The following KLHL13 variants were observed in gnomAD, a reference collection of about 807,000 sequenced individuals.
KLHL13 encodes the protein kelch like family member 13.
In KLHL13, 10 loss-of-function variants were observed where a neutral mutation model predicts 37.1. The ratio of observed to expected loss-of-function variants is 0.27; its 90% CI spans 0.17 to 0.46. The LOEUF (loss-of-function observed/expected upper bound fraction) is 0.46. Ranked by LOEUF, KLHL13 falls within the 20% of genes least tolerant of loss-of-function variation. The pLI, the probability that KLHL13 is intolerant of heterozygous loss-of-function variation, is 1.00. For missense variants in KLHL13, 360 were observed against 509.3 expected (o/e 0.71, Z 2.82); for synonymous variants, 163 against 181.2 (o/e 0.90, Z 0.81).
At chrX:118,022,446 A>G (rs1367940168) in intron 1 of KLHL13, among the ~76,000 whole-genome samples, 1 of 111,324 alleles carries the variant, frequency 9.0e-6, no homozygotes, top group Non-Finnish European at 1.9e-5. Flanking sequence ...ATCATTTTAT[A>G]TTCCCACCAA....
At chrX:118,020,357 T>C (rs2054189480) in intron 1 of KLHL13, among the ~76,000 whole-genome samples, 1 of 111,925 alleles carries the variant, frequency 8.9e-6, no homozygotes, top group Admixed American at 9.5e-5. Context: ...TCCTGAGACT[T>C]TGCTGAAGTT....
intron 1 of KLHL13, among the ~76,000 whole-genome samples, chrX:118,014,659 C>T (rs759361838): frequency 2.7e-5 from 3 of 112,463 alleles, no homozygotes; most frequent in Non-Finnish European, 5.6e-5. Flanking sequence ...CAGAACCTGA[C>T]GATATGTGAC....
At chrX:117,980,231 A>G (rs2053645303) in intron 1 of KLHL13, among the ~76,000 whole-genome samples, 1 of 111,981 alleles carries the variant, frequency 8.9e-6, no homozygotes, top group Non-Finnish European at 1.9e-5. Flanking sequence ...ATGATGGTTG[A>G]AAATTTTTTC....
At chrX:118,050,552 C>T (rs1050802093) in intron 1 of KLHL13, among the ~76,000 whole-genome samples, 1 of 111,719 alleles carries the variant, frequency 9.0e-6, no homozygotes, top group Admixed American at 9.5e-5. Context: ...AAAATCCTCA[C>T]CCTAAATTGT....
At chrX:118,037,932 G>C (rs1021314031) in intron 1 of KLHL13, among the ~76,000 whole-genome samples, 1 of 111,187 alleles carries the variant, frequency 9.0e-6, no homozygotes, top group African/African-American at 3.3e-5. Flanking sequence ...TCATGAATAG[G>C]TATTACAGGG....
intron 5 of KLHL13, 120 bp from the exon 7 acceptor site, chrX:117,902,066 T>A (rs1256215357): frequency 4.1e-5 from 17 of 415,975 alleles, no homozygotes; most frequent in Middle Eastern, 6.2e-4. Context: ...ATTATAGCTA[T>A]GATAGATATG....
chrX:117,919,684 T>C lies in KLHL13; in HGVS notation c.407A>G (p.Lys136Arg), dbSNP rs1440730739. The change falls in exon 4 of 7, where the codon AAA becomes AGA. Residue 136 changes from lysine to arginine, a missense_variant. Lys to Arg is a conservative substitution (Grantham distance 26). Transcript: ENST00000262820. ...ACCGACTTTGCTCACACCATGAAGT[T>C]TAATGCACATTAAATCTTGTTCTTT... is the stretch of plus-strand genomic sequence containing the variant. The C allele has an allele frequency of 4.2e-6, 5 of 1,199,214 alleles. No individual in the cohort carries two copies. The South Asian group carries it at 5.4e-5, about 13-fold the overall frequency.
In KLHL13 at chrX:117,941,819, G is replaced by C. The variant is rs1933050237; in HGVS notation, c.240+3615C>G. 2.7e-5 allele frequency among the ~76,000 whole-genome samples: 3 copies of C among 111,229 alleles called. No individual in the cohort carries two copies. The Admixed American group carries it at 2.9e-4, about 11-fold the overall frequency. ...TCACTGAGATATTGAAGTGTTCCTCGTGTCTCTATCTCCTTCAGTTCTACT... is the reference window on the plus strand; with the variant it reads ...TCACTGAGATATTGAAGTGTTCCTCCTGTCTCTATCTCCTTCAGTTCTACT... On this transcript the variant is annotated intron_variant, in intron 2 of 6. Transcript: ENST00000262820.
At chrX:118,023,540 C>A (rs1478543260) in intron 1 of KLHL13, among the ~76,000 whole-genome samples, 2 of 111,641 alleles carry the variant, frequency 1.8e-5, no homozygotes, top group Non-Finnish European at 3.8e-5. Flanking sequence ...ATAAAACTTT[C>A]TTAGTCAAAA....
chrX:118,035,195 C>G (rs1007657571), intron 1 of KLHL13, among the ~76,000 whole-genome samples: 7 of 105,292 alleles, frequency 6.6e-5, no homozygotes, highest in Admixed American at 9.7e-5. Flanking sequence ...CCTTCTGAAA[C>G]TATTCCAATC....
intron 1 of KLHL13, among the ~76,000 whole-genome samples, chrX:117,998,178 C>T (rs1257079521): frequency 9.0e-6 from 1 of 111,703 alleles, no homozygotes. Context: ...TACACAGAAA[C>T]CCCATGGGAA....
At chrX:117,900,376 C>A (rs1930011515) in intron 6 of KLHL13, among the ~76,000 whole-genome samples, 1 of 112,038 alleles carries the variant, frequency 8.9e-6, no homozygotes, top group Non-Finnish European at 1.9e-5. Flanking sequence ...TAGTTTCTAA[C>A]CACTCTTGAT....
rs772720503 is a variant in KLHL13, at chrX:117,910,110, T to TA, written c.571-15dup. 8 of 1,099,737 alleles carry TA rather than the reference T, an allele frequency of 7.3e-6. No homozygotes were observed. Among genetic ancestry groups the TA allele is most frequent in the Non-Finnish European group, 9.6e-6 (8 of 832,283 alleles). The allele number at this position is 1,099,737 out of a possible 1,213,427, so 90.6% of individuals were successfully genotyped here. On this transcript the variant is annotated splice_polypyrimidine_tract_variant and intron_variant, in intron 4 of 6. Transcript: ENST00000262820. ...GTCTAAAGTGACCTATTAAGCCAAT[T>TA]AAAAAAAATTAAAACATGACTACTT...
intron 2 of KLHL13, among the ~76,000 whole-genome samples, chrX:117,936,467 A>G (rs1280116486): frequency 1.8e-5 from 2 of 112,094 alleles, no homozygotes; most frequent in Non-Finnish European, 3.8e-5. Context: ...TATTCGGTAT[A>G]CCCATAACTT....
rs184401310 is a variant in KLHL13, at chrX:117,907,366, A to G, written c.1366+1935T>C. ...AATTAGTATTAGGAACTATATATTG[A>G]AAGCTAAGTAGCCGCATATTAACAG... On this transcript the variant is annotated intron_variant, in intron 5 of 6. Coordinates refer to ENST00000262820, the Ensembl canonical transcript of KLHL13. Among the ~76,000 whole-genome samples the G allele has an allele frequency of 1.3e-3, 150 of 111,945 alleles. 2 individuals carry two copies. The highest frequency in any genetic ancestry group is 4.8e-3 in the African/African-American group (147 of 30,891).
At chrX:118,033,080 G>T (rs746713856) in intron 1 of KLHL13, among the ~76,000 whole-genome samples, 1 of 111,044 alleles carries the variant, frequency 9.0e-6, no homozygotes, top group Non-Finnish European at 1.9e-5. Context: ...TCCAAGAAAT[G>T]TAGGACTATG....
At chrX:118,081,976 GTA>G (rs1446065075) in intron 1 of KLHL13, among the ~76,000 whole-genome samples, 4 of 105,249 alleles carry the variant, frequency 3.8e-5, no homozygotes, top group African/African-American at 1.1e-4. Flanking sequence ...GTGTGTGTGT[GTA>G]TACATATATC....
In KLHL13 at chrX:118,020,912, A is replaced by G. The variant is rs776397670; in HGVS notation, c.-55-75337T>C. Among the ~76,000 whole-genome samples, 544 of 99,402 alleles carry G rather than the reference A, an allele frequency of 5.5e-3. 2 individuals carry two copies. The highest frequency in any genetic ancestry group is 9.1e-3 in the Non-Finnish European group (451 of 49,834). 86.3% of individuals were successfully genotyped at this position (99,402 alleles called of 115,157 possible). A position where few individuals can be genotyped will look rare whatever the true frequency, so the allele number is the denominator to read the frequency against. Reference sequence around the variant, plus strand: ...AAGGACAGAAAACCAAACACCGCATATTCTCACTCATAGGTGGGAATTGAA... The same window carrying G: ...AAGGACAGAAAACCAAACACCGCATGTTCTCACTCATAGGTGGGAATTGAA... On this transcript the variant is annotated intron_variant, in intron 1 of 6. Coordinates refer to the KLHL13 transcript ENST00000371882.
chrX:117,968,347 G>T (rs1179442393), intron 1 of KLHL13, among the ~76,000 whole-genome samples: 2 of 111,467 alleles, frequency 1.8e-5, no homozygotes, highest in Non-Finnish European at 3.8e-5. Flanking sequence ...TCTTCGAGAG[G>T]TGTCATGGAA....
Sources: gnomAD v4.1 joint callset for allele counts (sites outside exome capture counted in the v4.1 genomes callset) on GRCh38, gnomAD v4.1.1 for gene constraint, MANE v1.5 for transcripts, NCBI Gene and HGNC (gene_info 2026-07-23, HGNC 2026-07-21) for gene names.